Variants in FAT3 observed in about 807,000 individuals in gnomAD.
The protein encoded by FAT3 is FAT atypical cadherin 3.
A neutral mutation model predicts 310.2 loss-of-function variants in FAT3; 95 were observed. That is an observed-to-expected ratio of 0.31 (90% CI 0.26 to 0.36). FAT3 has a LOEUF of 0.36. Ranked by LOEUF, FAT3 falls within the 10% of genes least tolerant of loss-of-function variation. FAT3 has a pLI of 1.00. For missense variants in FAT3, 5,408 were observed against 5,715.6 expected, an observed-to-expected ratio of 0.95 and a Z score of 1.74; for synonymous variants, 2,314 against 2,192.9, an observed-to-expected ratio of 1.06 and a Z score of -1.54.
Position 92,354,733 on chromosome 11 carries a change from C to T in FAT3, c.2621C>T (p.Thr874Ile), listed in dbSNP as rs1948682523. ...GEVTYSVLTDTQQFAINSSTG... is the reference protein window; with the variant it reads ...GEVTYSVLTDIQQFAINSSTG... ...GTGACTTACTCAGTCTTGACAGATA[C>T]ACAGCAGTTTGCCATCAATAGCTCA... Residue 874 changes from threonine (T) to isoleucine (I), a missense_variant, in exon 2 of 28, where the codon ACA becomes ATA. Transcript: ENST00000525166. 1 of 1,613,898 alleles carries T rather than the reference C, an allele frequency of 6.2e-7. No individual in the cohort carries two copies. The highest frequency in any genetic ancestry group is 8.5e-7 in the Non-Finnish European group (1 of 1,179,868).
chr11:92,839,252 CATGT>C (rs1948478225), intron 17 of FAT3, among the ~76,000 whole-genome samples: 1 of 152,212 alleles, frequency 6.6e-6, no homozygotes, highest in African/African-American at 2.4e-5. Context: ...GCAGGGCAGG[CATGT>C]CTATGTTACC....
chr11:92,375,561 C>T (rs752947762), intron 2 of FAT3, among the ~76,000 whole-genome samples: 7 of 152,082 alleles, frequency 4.6e-5, no homozygotes, highest in Non-Finnish European at 8.8e-5. Context: ...GTCAGTGGCA[C>T]AACTGACCCT....
chr11:92,283,306 C>T (rs954162893), intron 1 of FAT3, among the ~76,000 whole-genome samples: 3 of 152,144 alleles, frequency 2.0e-5, no homozygotes, highest in East Asian at 3.9e-4. Context: ...TTTTACTTGA[C>T]GTGTAGGTTG....
intron 4 of FAT3, among the ~76,000 whole-genome samples, chr11:92,760,757 A>G (rs954776984): frequency 3.9e-5 from 6 of 152,258 alleles, no homozygotes; most frequent in Admixed American, 6.5e-5. Flanking sequence ...TCGACATGTT[A>G]GGTGTTAATA....
chr11:92,642,908 C>T (rs1325610585), intron 3 of FAT3, among the ~76,000 whole-genome samples: 3 of 152,170 alleles, frequency 2.0e-5, no homozygotes, highest in Non-Finnish European at 2.9e-5. Context: ...CAGAGCTAAC[C>T]CTTACTCTGC....
chr11:92,369,343 G>A (rs1015197660), intron 2 of FAT3, among the ~76,000 whole-genome samples: 1 of 152,240 alleles, frequency 6.6e-6, no homozygotes, highest in East Asian at 1.9e-4. Context: ...TTTGAGCTGG[G>A]CCAGGCCACA....
At chr11:92,716,593 A>C (rs955155597) in intron 4 of FAT3, among the ~76,000 whole-genome samples, 1 of 152,200 alleles carries the variant, frequency 6.6e-6, no homozygotes, top group African/African-American at 2.4e-5. Flanking sequence ...TGAAGTAATC[A>C]CTATGGCAAC....
intron 13 of FAT3, among the ~76,000 whole-genome samples, chr11:92,816,875 C>G (rs11020066): frequency 0.41 from 62,945 of 151,902 alleles, 15,000 homozygotes; most frequent in South Asian, 0.64. Context: ...ACTCGGGAGG[C>G]TGAGGCAGGA....
At chr11:92,484,766 G>A (rs1031128280) in intron 2 of FAT3, among the ~76,000 whole-genome samples, 2 of 152,134 alleles carry the variant, frequency 1.3e-5, no homozygotes, top group Non-Finnish European at 2.9e-5. Flanking sequence ...CTATATGTTC[G>A]CTTCTACGCT....
chr11:92,634,008 A>G (rs1941660717), intron 3 of FAT3, among the ~76,000 whole-genome samples: 3 of 152,216 alleles, frequency 2.0e-5, no homozygotes. Context: ...TGATCATGGT[A>G]TGCACATAAC....
intron 3 of FAT3, among the ~76,000 whole-genome samples, chr11:92,605,407 C>G (rs555277429): frequency 1.3e-5 from 2 of 152,310 alleles, no homozygotes; most frequent in South Asian, 4.1e-4. Flanking sequence ...GGCACCCACT[C>G]TAACTCAGCC....
At chr11:92,413,785 A>ATAT in intron 2 of FAT3, among the ~76,000 whole-genome samples, 1 of 152,362 alleles carries the variant, frequency 6.6e-6, no homozygotes, top group Non-Finnish European at 1.5e-5. Context: ...TTCACCAAGA[A>ATAT]TATTATTTCC....
chr11:92,564,135 T>A (rs1330987193), intron 3 of FAT3, among the ~76,000 whole-genome samples: 3 of 152,128 alleles, frequency 2.0e-5, no homozygotes, highest in Admixed American at 2.0e-4. Context: ...CTGTATTCAG[T>A]AAACCCATCT....
At chr11:92,429,237 T>C (rs915763226) in intron 2 of FAT3, among the ~76,000 whole-genome samples, 22 of 152,140 alleles carry the variant, frequency 1.4e-4, no homozygotes, top group Non-Finnish European at 3.1e-4. Context: ...GTTTGGTAAA[T>C]CTTCATCCAT....
chr11:92,439,636 C>T (rs147686438), intron 2 of FAT3, among the ~76,000 whole-genome samples: 1 of 152,238 alleles, frequency 6.6e-6, no homozygotes, highest in African/African-American at 2.4e-5. Flanking sequence ...CTGCTAAAGG[C>T]CAGGCATGGT....
intron 24 of FAT3, among the ~76,000 whole-genome samples, chr11:92,884,008 G>A (rs1164730511): frequency 6.6e-6 from 1 of 152,218 alleles, no homozygotes; most frequent in Non-Finnish European, 1.5e-5. Context: ...TGGCTGGAAT[G>A]TAGAGACCAT....
chr11:92,828,217 A>G (rs1948148499), intron 13 of FAT3, among the ~76,000 whole-genome samples: 1 of 152,042 alleles, frequency 6.6e-6, no homozygotes, highest in Non-Finnish European at 1.5e-5. Flanking sequence ...CTTTAGCAAC[A>G]TGACCTGCAT....
chr11:92,229,508 TTTTTTG>T (rs1565339353), intron 1 of FAT3, among the ~76,000 whole-genome samples: 3,343 of 74,052 alleles, frequency 0.045, 329 homozygotes, highest in East Asian at 0.11. Flanking sequence ...TTTTTTTTTG[TTTTTTG>T]TTTTTTTTTA....
intron 3 of FAT3, among the ~76,000 whole-genome samples, chr11:92,542,503 A>T (rs1954485132): frequency 6.6e-6 from 1 of 152,078 alleles, no homozygotes; most frequent in South Asian, 2.1e-4. Context: ...AAAGACATAC[A>T]TAACTCTGAT....
Sources: allele counts gnomAD v4.1 joint callset (sites outside exome capture counted in the v4.1 genomes callset), GRCh38; gene constraint gnomAD v4.1.1; transcripts MANE v1.5; gene names NCBI Gene and HGNC (gene_info 2026-07-23, HGNC 2026-07-21).